TRADD: variants seen among roughly 807,000 people sequenced by gnomAD.
TRADD encodes TNFRSF1A associated via death domain, also known as tumor necrosis factor receptor type 1-associated DEATH domain protein.
TRADD carries 14 observed loss-of-function variants against 31.5 expected under a neutral mutation model. The ratio of observed to expected loss-of-function variants is 0.44; its 90% confidence interval spans 0.29 to 0.69. The LOEUF is 0.69. TRADD is among the 30% of genes least tolerant of loss of function. TRADD has a pLI of 0.11. For synonymous variants in TRADD, 220 were observed against 215.8 expected, an observed-to-expected ratio of 1.02 and a Z score of -0.17; for missense variants, 388 against 435.7, an observed-to-expected ratio of 0.89 and a Z score of 0.97.
At chr16:67,155,889 C>T (rs1246891335) in intron 2 of TRADD, 15 of 1,521,880 alleles carry the variant, frequency 9.9e-6, no homozygotes, top group South Asian at 1.2e-5. Flanking sequence ...TGCCACCTAA[C>T]CCCCGCTCTC....
At chr16:67,155,033 C>G (rs2030616888) in intron 4 of TRADD, 63 bp downstream of exon 4, 4 of 1,457,592 alleles carry the variant, frequency 2.7e-6, no homozygotes, top group Admixed American at 2.0e-5. Context: ...CACCCGGCAA[C>G]GACCCCTGCC....
At position 67,155,668 on chromosome 16, in the gene TRADD, C is replaced by A; in HGVS notation, c.152-14G>T. Reference sequence around the variant, plus strand: ...TCCCGCCGCTCTCTGCGGAGGCGGGCGGTCAGGCGCCGGGCGGTCCCCAAG... The same window carrying A: ...TCCCGCCGCTCTCTGCGGAGGCGGGAGGTCAGGCGCCGGGCGGTCCCCAAG... On this transcript the variant is annotated splice_polypyrimidine_tract_variant and intron_variant, in intron 2 of 4. Transcript: ENST00000345057. 1 of 1,562,510 alleles carries A rather than the reference C, an allele frequency of 6.4e-7. No homozygotes were observed. The highest frequency in any genetic ancestry group is 1.1e-5 in the South Asian group (1 of 87,032).
chr16:67,156,741 C>T lies in TRADD; in HGVS notation c.-8-73G>A, dbSNP rs2030715135. The T allele has an allele frequency of 1.9e-6, 3 of 1,594,772 alleles. No individual in the cohort carries two copies. Among genetic ancestry groups the T allele is most frequent in the East Asian group, 2.2e-5 (1 of 44,846 alleles). ...CCCTGGAGACAACTACCCAGCCCCA[C>T]GTGGTTCAGCTGTCCCCACCACAGT... is the stretch of plus-strand genomic sequence containing the variant. On this transcript the variant is annotated intron_variant, in intron 1 of 4. Transcript: ENST00000345057. The surrounding 1 kb of genome is among the most constrained non-coding windows in gnomAD (Gnocchi z 4.6).
At position 67,154,697 on chromosome 16, in the gene TRADD, C is replaced by G. The variant is rs201086674; in HGVS notation, c.891G>C (p.Leu297=). The change falls in exon 5 of 5, where the codon CTG becomes CTC. Residue 297 remains leucine (L), a synonymous_variant. Transcript: ENST00000345057. The surrounding 1 kb of genome is among the most constrained non-coding windows in gnomAD (Gnocchi z 5.2). ...CGGTCAGGCCCAGCAAGTCCTCTGCCAGGCTGGTGAGCTCGTTCTCCTCGA... is the reference window on the plus strand; with the variant it reads ...CGGTCAGGCCCAGCAAGTCCTCTGCGAGGCTGGTGAGCTCGTTCTCCTCGA... The part of the protein sequence containing the change: ...EALEENELTS[L]AEDLLGLTDP... 1 of 1,612,918 alleles carries G rather than the reference C, an allele frequency of 6.2e-7. No individual in the cohort carries two copies. Among genetic ancestry groups the G allele is most frequent in the African/African-American group, 1.3e-5 (1 of 75,064 alleles).
intron 1 of TRADD, among the ~76,000 whole-genome samples, chr16:67,157,419 G>A (rs2030737744): frequency 6.6e-6 from 1 of 152,206 alleles, no homozygotes; most frequent in South Asian, 2.1e-4. Context: ...TGAGCCAATA[G>A]GAAAGAGGCA....
At chr16:67,155,747 G>A in intron 2 of TRADD, 93 bp from the exon 3 acceptor site, 2 of 1,478,006 alleles carry the variant, frequency 1.4e-6, no homozygotes, top group Admixed American at 2.4e-5. Context: ...GTGAAGCCCC[G>A]CGTCCCATCC....
intron 2 of TRADD, 85 bp from the exon 3 acceptor site, chr16:67,155,739 G>A: frequency 6.7e-7 from 1 of 1,486,284 alleles, no homozygotes. Context: ...AGCCCGTGGT[G>A]AAGCCCCGCG....
chr16:67,159,861 G>A lies in TRADD; in HGVS notation c.-32C>T, dbSNP rs1031334671. The A allele has an allele frequency of 5.3e-5, 8 of 152,262 alleles. No individual in the cohort carries two copies. Among genetic ancestry groups the A allele is most frequent in the African/African-American group, 1.9e-4 (8 of 41,458 alleles). The allele number at this position is 152,262 out of a possible 1,614,324, so 9.4% of individuals were successfully genotyped here. ...ACCTGGCCGCCTCGGCGGGGCCTGG[G>A]TTCCCACGCCCGCCAGGCTCCGCTC... On this transcript the variant is annotated 5_prime_UTR_variant, in exon 1 of 5. Coordinates refer to ENST00000345057, the MANE Select transcript of TRADD (RefSeq NM_003789.4). This position sits in a 1 kb window ranked among gnomAD's most constrained non-coding sequence, Gnocchi z 6.8.
At chr16:67,158,850 T>C (rs987607963) in intron 1 of TRADD, among the ~76,000 whole-genome samples, 24 of 152,068 alleles carry the variant, frequency 1.6e-4, no homozygotes, top group Admixed American at 1.5e-3. Flanking sequence ...AAACATTCCC[T>C]CTTTCATGTC....
Position 67,156,460 on chromosome 16 carries a change from A to G in TRADD, c.151+50T>C. On this transcript the variant is annotated intron_variant, in intron 2 of 4. Transcript: ENST00000345057. This position sits in a 1 kb window ranked among gnomAD's most constrained non-coding sequence, Gnocchi z 4.6. Reference sequence around the variant, plus strand: ...GTGGCTAAACCCAGGCCCACCCACAAAATGCTCCAGGCCACCCCTTCCTCT... The same window carrying G: ...GTGGCTAAACCCAGGCCCACCCACAGAATGCTCCAGGCCACCCCTTCCTCT... 6.2e-7 allele frequency: 1 copy of G among 1,603,112 alleles called. No homozygotes were observed. The highest frequency in any genetic ancestry group is 8.5e-7 in the Non-Finnish European group (1 of 1,179,822).
chr16:67,154,661 G>A lies in TRADD; in HGVS notation c.927C>T (p.Gly309=). 1 of 1,612,590 alleles carries A rather than the reference G, an allele frequency of 6.2e-7. No individual in the cohort carries two copies. Among genetic ancestry groups the A allele is most frequent in the Non-Finnish European group, 8.5e-7 (1 of 1,179,872 alleles). Residue 309 remains glycine, a synonymous_variant, in exon 5 of 5, where the codon GGC becomes GGT. Transcript: ENST00000345057. The surrounding 1 kb of genome is among the most constrained non-coding windows in gnomAD (Gnocchi z 5.2). ...CTGCACCCCTGGTCTAGGCCAGGCC[G>A]CCATTGGGATCGGTCAGGCCCAGCA... The part of the protein sequence containing the change: ...EDLLGLTDPN[G]GLA
rs977300819 is a variant in TRADD at position 67,154,984 on chromosome 16, G to A, written c.629-25C>T. 1.2e-6 allele frequency: 2 copies of A among 1,601,382 alleles called. No individual in the cohort carries two copies. Among genetic ancestry groups the A allele is most frequent in the South Asian group, 1.1e-5 (1 of 89,174 alleles). On this transcript the variant is annotated intron_variant, in intron 4 of 4. Transcript: ENST00000345057. The surrounding 1 kb of genome is among the most constrained non-coding windows in gnomAD (Gnocchi z 5.2). The stretch of plus-strand genomic sequence containing the variant: ...ACTGCAGAGGGAGTGGGGAAACGGG[G>A]TGAGGGCGGGGACCCCCAGCGCCGG...
In TRADD at chr16:67,159,259, G is replaced by T. The variant is rs771798219; in HGVS notation, c.-9+579C>A. Among the ~76,000 whole-genome samples, 9 of 152,228 alleles carry T rather than the reference G, an allele frequency of 5.9e-5. No homozygotes were observed. The highest frequency in any genetic ancestry group is 1.2e-4 in the Non-Finnish European group (8 of 68,042). On this transcript the variant is annotated intron_variant, in intron 1 of 4. Coordinates refer to ENST00000345057, the MANE Select transcript of TRADD (RefSeq NM_003789.4). This position sits in a 1 kb window ranked among gnomAD's most constrained non-coding sequence, Gnocchi z 6.8. ...AAGTTTGGTGGCCGGAGACTGTGGG[G>T]CGCTTAGGTACCGACCTAACAACTT...
Position 67,156,857 on chromosome 16 carries a change from T to G in TRADD, c.-8-189A>C, listed in dbSNP as rs1344182090. 2.0e-5 allele frequency among the ~76,000 whole-genome samples: 3 copies of G among 152,166 alleles called. No homozygotes were observed. The highest frequency in any genetic ancestry group is 6.5e-5 in the Admixed American group (1 of 15,284). ...CCATCTCACAGGAAGCCCCTTGAGC[T>G]CCTGGCTCTGTACAGAGTCCCACCC... On this transcript the variant is annotated intron_variant, in intron 1 of 4. Transcript: ENST00000345057. The surrounding 1 kb of genome is among the most constrained non-coding windows in gnomAD (Gnocchi z 4.6).
Position 67,155,110 on chromosome 16 carries a change from T to C in TRADD, c.614A>G (p.Gln205Arg), listed in dbSNP as rs1477803243. 6.5e-7 allele frequency: 1 copy of C among 1,530,536 alleles called. No homozygotes were observed. Among genetic ancestry groups the C allele is most frequent in the Non-Finnish European group, 8.8e-7 (1 of 1,140,950 alleles). The allele number at this position is 1,530,536 out of a possible 1,614,324, so 94.8% of individuals were successfully genotyped here. ...PPPPAQTFLF[Q>R]GQPVVNRPLS... is the part of the protein sequence containing the mutation. ...CTGCGCCTCACCTACAGGCTGACCC[T>C]GGAACAGAAAAGTCTGGGCAGGTGG... Residue 205 changes from glutamine (Q) to arginine (R), a missense_variant, in exon 4 of 5, where the codon CAG becomes CGG. Coordinates refer to ENST00000345057, the MANE Select transcript of TRADD (RefSeq NM_003789.4).
Position 67,156,610 on chromosome 16 carries a change from C to G in TRADD, c.51G>C (p.Leu17=). The change falls in exon 2 of 5, where the codon CTG becomes CTC. Residue 17 remains leucine (L), a synonymous_variant. Transcript: ENST00000345057. The surrounding 1 kb of genome is among the most constrained non-coding windows in gnomAD (Gnocchi z 4.6). ...CCTTGTCCAGCGAGGACTCCACAAA[C>G]AGGTATGCGCTGCCCACCCACTCTT... is the stretch of plus-strand genomic sequence containing the variant. ...GHEEWVGSAY[L]FVESSLDKVV... 1.2e-6 allele frequency: 2 copies of G among 1,614,148 alleles called. No homozygotes were observed. Among genetic ancestry groups the G allele is most frequent in the African/African-American group, 1.3e-5 (1 of 75,046 alleles).
chr16:67,155,978 G>A lies in TRADD; in HGVS notation c.152-324C>T, dbSNP rs754463265. 1.5e-5 allele frequency: 21 copies of A among 1,428,760 alleles called. No individual in the cohort carries two copies. In the East Asian group the frequency reaches 1.6e-4, roughly 11 times the overall value. 88.5% of individuals were successfully genotyped at this position (1,428,760 alleles called of 1,614,324 possible). ...GGCGTGTGCCCTGGGCAAACAAGCCGTCTGGGTAGGCGGCCAGCAGGGCAG... is the reference window on the plus strand; with the variant it reads ...GGCGTGTGCCCTGGGCAAACAAGCCATCTGGGTAGGCGGCCAGCAGGGCAG... On this transcript the variant is annotated intron_variant, in intron 2 of 4. Coordinates refer to ENST00000345057, the MANE Select transcript of TRADD (RefSeq NM_003789.4).
Position 67,155,440 on chromosome 16 carries a change from G to C in TRADD, c.366C>G (p.Ala122=). 3.8e-6 allele frequency: 6 copies of C among 1,595,846 alleles called. No individual in the cohort carries two copies. Among genetic ancestry groups the C allele is most frequent in the Non-Finnish European group, 1.7e-6 (2 of 1,178,756 alleles). ...CCGCCAGCAAAGCGTCCAGCCGCTC[G>C]GCGCCGGCGCGCAGCTCCAGTTGCA... ...VPLQLELRAG[A]ERLDALLADE... Residue 122 remains alanine, a synonymous_variant, in exon 3 of 5, where the codon GCC becomes GCG. Transcript: ENST00000345057.
Position 67,159,501 on chromosome 16 carries a change from A to G in TRADD, c.-9+337T>C, listed in dbSNP as rs915784851. Among the ~76,000 whole-genome samples, 1 of 152,054 alleles carries G rather than the reference A, an allele frequency of 6.6e-6. No homozygotes were observed. Among genetic ancestry groups the G allele is most frequent in the Non-Finnish European group, 1.5e-5 (1 of 67,994 alleles). ...GAGCTTCCCAGGCTCCCACTAGCCC[A>G]CCCTCAAGCTGGGGTTTCGCACGTG... On this transcript the variant is annotated intron_variant, in intron 1 of 4. Transcript: ENST00000345057. This position sits in a 1 kb window ranked among gnomAD's most constrained non-coding sequence, Gnocchi z 6.8.
Sources: allele counts gnomAD v4.1 joint callset (sites outside exome capture counted in the v4.1 genomes callset), GRCh38; gene constraint gnomAD v4.1.1; non-coding constraint Gnocchi (gnomAD v3.1); transcripts MANE v1.5; gene names NCBI Gene and HGNC (gene_info 2026-07-23, HGNC 2026-07-21).